E2F6: variants seen among roughly 807,000 people sequenced by gnomAD.
The protein encoded by E2F6 is transcription factor E2F6.
In E2F6, 19 loss-of-function variants were observed where a neutral mutation model predicts 31.5. That is an observed-to-expected ratio of 0.60 (90% confidence interval 0.42 to 0.89). The LOEUF (loss-of-function observed/expected upper bound fraction) is 0.89. E2F6 is among the 40% of genes least tolerant of loss of function. The pLI, the probability that E2F6 is intolerant of heterozygous loss-of-function variation, is 0.00. For missense variants in E2F6, 269 were observed against 341.6 expected (o/e 0.79, Z 1.67); for synonymous variants, 121 against 127.7 (o/e 0.95, Z 0.36).
At position 11,455,289 on chromosome 2, in the gene E2F6, C is replaced by A. The variant is rs116554320; in HGVS notation, c.164-1491G>T. The A allele has an allele frequency of 4.3e-4, 441 of 1,034,502 alleles. 1 individual carries two copies. In the Middle Eastern group the frequency reaches 5.7e-3, roughly 13 times the overall value. 64.1% of individuals were successfully genotyped at this position (1,034,502 alleles called of 1,614,324 possible). On this transcript the variant is annotated intron_variant, in intron 2 of 6. Coordinates refer to ENST00000381525, the MANE Select transcript of E2F6 (RefSeq NM_198256.4). ...GTGGAATATATGACTTTCTTTTTCT[C>A]TACTTCCACAGCACACCACAGTCAG...
In E2F6 at chr2:11,457,309, T is replaced by TA. The variant is rs1340584579; in HGVS notation, c.109-77dup. On this transcript the variant is annotated intron_variant, in intron 1 of 6. Coordinates refer to ENST00000381525, the MANE Select transcript of E2F6 (RefSeq NM_198256.4). ...AAACAAATAGCATTTTACTCAATAG[T>TA]ATAAAGGTCTGGGAATATGAATATG... 3.5e-5 allele frequency: 32 copies of TA among 907,942 alleles called. No homozygotes were observed. In the African/African-American group the frequency reaches 5.3e-4, roughly 15 times the overall value. 56.2% of individuals were successfully genotyped at this position (907,942 alleles called of 1,614,324 possible).
chr2:11,460,819 G>C (rs1671730078), intron 1 of E2F6, among the ~76,000 whole-genome samples: 1 of 152,140 alleles, frequency 6.6e-6, no homozygotes, highest in Non-Finnish European at 1.5e-5. Flanking sequence ...TGGTATTTGT[G>C]CATCTAAACA....
chr2:11,454,716 A>G (rs1671296019), intron 2 of E2F6, among the ~76,000 whole-genome samples: 1 of 151,782 alleles, frequency 6.6e-6, no homozygotes, highest in African/African-American at 2.4e-5. Flanking sequence ...CAAAAAAAAA[A>G]TCCCTTAATT....
Position 11,465,811 on chromosome 2 carries a change from G to A in E2F6, c.69C>T (p.Arg23=). The change falls in exon 1 of 7, where the codon CGC becomes CGT. Residue 23 remains arginine (R), a synonymous_variant. Transcript: ENST00000381525. ...CGTTGATGGGGTCTCGGCACCGACGGCGAACCGTCTCCTCCGTCGGGTCCA... is the reference window on the plus strand; with the variant it reads ...CGTTGATGGGGTCTCGGCACCGACGACGAACCGTCTCCTCCGTCGGGTCCA... ...LLLDPTEETV[R]RRCRDPINVE... is the part of the protein sequence containing the mutation. 1 of 1,599,816 alleles carries A rather than the reference G, an allele frequency of 6.3e-7. No individual in the cohort carries two copies.
chr2:11,454,981 A>G (rs993515463), intron 2 of E2F6, among the ~76,000 whole-genome samples: 8 of 152,206 alleles, frequency 5.3e-5, no homozygotes, highest in African/African-American at 1.9e-4. Flanking sequence ...AAATTAGACC[A>G]TCTCCAACTT....
chr2:11,465,265 C>A (rs1363422709), intron 1 of E2F6, among the ~76,000 whole-genome samples: 1 of 151,226 alleles, frequency 6.6e-6, no homozygotes, highest in African/African-American at 2.4e-5. Flanking sequence ...GGGAATACAG[C>A]ATCTGGTCCT....
Position 11,465,964 on chromosome 2 carries a change from C to G in E2F6, c.-85G>C, listed in dbSNP as rs572139089. The G allele has an allele frequency of 1.0e-4, 131 of 1,278,240 alleles. No homozygotes were observed. The African/African-American group carries it at 1.8e-3, about 18-fold the overall frequency. The allele number at this position is 1,278,240 out of a possible 1,614,324, so 79.2% of individuals were successfully genotyped here. On this transcript the variant is annotated 5_prime_UTR_variant, in exon 1 of 7. Coordinates refer to ENST00000381525, the MANE Select transcript of E2F6 (RefSeq NM_198256.4). ...CTCAGCTCGAGCACCGCCCCCCACG[C>G]GCCGATTTCCAAGGGCCCAGCACCT...
chr2:11,455,566 C>A, intron 2 of E2F6: 1 of 786,288 alleles, frequency 1.3e-6, no homozygotes, highest in South Asian at 1.6e-5. Context: ...AGGAAGATTA[C>A]AAATGAGAAA....
rs942710874 is a variant in E2F6 at position 11,454,958 on chromosome 2, A to T, written c.164-1160T>A. On this transcript the variant is annotated intron_variant, in intron 2 of 6. Transcript: ENST00000381525. ...TAACTGTATGCAGTATTTGCTATTT[A>T]TCCCAATATTAGAAATTAGACCATC... is the stretch of plus-strand genomic sequence containing the variant. Among the ~76,000 whole-genome samples, 2 of 152,200 alleles carry T rather than the reference A, an allele frequency of 1.3e-5. 1 individual carries two copies. The highest frequency in any genetic ancestry group is 1.3e-4 in the Admixed American group (2 of 15,280).
chr2:11,464,016 AAGG>A (rs2148367186), intron 1 of E2F6, among the ~76,000 whole-genome samples: 1 of 150,128 alleles, frequency 6.7e-6, no homozygotes, highest in Admixed American at 6.7e-5. Context: ...GGATGAGGAC[AAGG>A]AGAAGCCAGA....
At chr2:11,465,669 G>A (rs971791372) in intron 1 of E2F6, 103 bp downstream of exon 1, 1 of 1,211,556 alleles carries the variant, frequency 8.3e-7, no homozygotes, top group South Asian at 1.3e-5. Context: ...CCCAGGGGGA[G>A]CAGACGACCC....
chr2:11,466,118 C>A lies in E2F6; in HGVS notation c.-239G>T, dbSNP rs1672200348. On this transcript the variant is annotated 5_prime_UTR_variant, in exon 1 of 7. Coordinates refer to ENST00000381525, the MANE Select transcript of E2F6 (RefSeq NM_198256.4). The stretch of plus-strand genomic sequence containing the variant: ...AAAAAGAGGAGGGAGACCCGCGGAT[C>A]TCAAGTCGCCCGGCCCGCCATCTTC... 1.0e-5 allele frequency: 5 copies of A among 478,948 alleles called. No individual in the cohort carries two copies. Among genetic ancestry groups the A allele is most frequent in the Non-Finnish European group, 1.8e-5 (5 of 273,070 alleles). The allele number at this position is 478,948 out of a possible 1,614,324, so 29.7% of individuals were successfully genotyped here.
At chr2:11,457,662 A>G (rs1177512384) in intron 1 of E2F6, among the ~76,000 whole-genome samples, 1 of 152,178 alleles carries the variant, frequency 6.6e-6, no homozygotes, top group African/African-American at 2.4e-5. Context: ...ACACACACAC[A>G]AAATATACTG....
intron 1 of E2F6, 112 bp from the exon 2 acceptor site, chr2:11,457,345 G>T: frequency 1.4e-6 from 1 of 704,870 alleles, no homozygotes; most frequent in Non-Finnish European, 2.4e-6. Context: ...ATAATTACTG[G>T]CTGGGCAGAG....
intron 3 of E2F6, among the ~76,000 whole-genome samples, chr2:11,452,529 A>T (rs968986742): frequency 3.3e-5 from 5 of 151,876 alleles, no homozygotes; most frequent in Non-Finnish European, 1.5e-5. Context: ...ACTTGAACCC[A>T]GGAGGTGGAG....
At chr2:11,465,653 G>T (rs950748762) in intron 1 of E2F6, 119 bp downstream of exon 1, 71 of 988,776 alleles carry the variant, frequency 7.2e-5, no homozygotes, top group Non-Finnish European at 4.6e-6. Flanking sequence ...GATGGGCAGC[G>T]CCTGGCCCAG....
chr2:11,465,756 C>A lies in E2F6; in HGVS notation c.108+16G>T. The A allele has an allele frequency of 6.3e-7, 1 of 1,575,696 alleles. No homozygotes were observed. The highest frequency in any genetic ancestry group is 8.6e-7 in the Non-Finnish European group (1 of 1,161,244). On this transcript the variant is annotated intron_variant, in intron 1 of 6. Transcript: ENST00000381525. ...TGGGAGACCACCGCCCGTCCCCGTCCCGTCCCGGAGCTTACCAGCAGGCCC... is the reference window on the plus strand; with the variant it reads ...TGGGAGACCACCGCCCGTCCCCGTCACGTCCCGGAGCTTACCAGCAGGCCC...
chr2:11,455,921 C>T (rs935015027), intron 2 of E2F6, among the ~76,000 whole-genome samples: 2 of 152,070 alleles, frequency 1.3e-5, no homozygotes, highest in East Asian at 1.9e-4. Context: ...GGCGAATGGG[C>T]GGTGTTTGCC....
Position 11,450,133 on chromosome 2 carries a change from C to G in E2F6, c.537-7G>C, listed in dbSNP as rs1670971738. On this transcript the variant is annotated splice_region_variant and splice_polypyrimidine_tract_variant and intron_variant, in intron 4 of 6. Transcript: ENST00000381525. ...ATAGGTCACATATGCTAGTGTAAAA[C>G]TCAGTCAAGGATCTCTACACAGAAT... The G allele has an allele frequency of 6.3e-7, 1 of 1,592,338 alleles. No homozygotes were observed. Among genetic ancestry groups the G allele is most frequent in the African/African-American group, 1.3e-5 (1 of 74,270 alleles).
Sources: allele counts gnomAD v4.1 joint callset (sites outside exome capture counted in the v4.1 genomes callset), GRCh38; gene constraint gnomAD v4.1.1; transcripts MANE v1.5; gene names NCBI Gene and HGNC (gene_info 2026-07-23, HGNC 2026-07-21).